Variants in C4orf50 observed in about 807,000 individuals in gnomAD.
C4orf50 encodes uncharacterized protein C4orf50.
A neutral mutation model predicts 77.2 loss-of-function variants in C4orf50; 80 were observed. That is an observed-to-expected ratio of 1.04 (90% CI 0.87 to 1.25). The LOEUF (loss-of-function observed/expected upper bound fraction) is 1.25. Ranked by LOEUF, C4orf50 falls within the 50% of genes most tolerant of loss-of-function variation. C4orf50 has a pLI of 0.00. For missense variants in C4orf50, 1,257 were observed against 1,152.9 expected, an observed-to-expected ratio of 1.09 and a Z score of -1.31; for synonymous variants, 532 against 465.3, an observed-to-expected ratio of 1.14 and a Z score of -1.84.
intron 23 of C4orf50, among the ~76,000 whole-genome samples, chr4:6,013,209 G>C (rs1722553421): frequency 6.6e-6 from 1 of 152,176 alleles, no homozygotes; most frequent in Admixed American, 6.5e-5. Context: ...CATGCCCTGA[G>C]GAAAGGTCTC....
At chr4:5,961,207 C>G (rs1577934970) in intron 33 of C4orf50, among the ~76,000 whole-genome samples, 1 of 152,178 alleles carries the variant, frequency 6.6e-6, no homozygotes, top group East Asian at 1.9e-4. Context: ...CTCAGCTACT[C>G]AAAAGGCTGA....
rs1722360298 is a variant in C4orf50, at chr4:6,008,728, T to C, written c.427-196A>G. 6.6e-6 allele frequency among the ~76,000 whole-genome samples: 1 copy of C among 152,188 alleles called. No homozygotes were observed. The highest frequency in any genetic ancestry group is 2.4e-5 in the African/African-American group (1 of 41,456). On this transcript the variant is annotated intron_variant, in intron 24 of 33. Coordinates refer to ENST00000531445, the Ensembl canonical transcript of C4orf50. This position sits in a 1 kb window ranked among gnomAD's most constrained non-coding sequence, Gnocchi z 6.0. ...CTTAAATTTTGCACGGAGGCAAGTGTCTCCCTCACTTCATCCACCCTAGTC... is the reference window on the plus strand; with the variant it reads ...CTTAAATTTTGCACGGAGGCAAGTGCCTCCCTCACTTCATCCACCCTAGTC...
chr4:5,972,759 G>C (rs1720002729), intron 31 of C4orf50, among the ~76,000 whole-genome samples: 1 of 152,350 alleles, frequency 6.6e-6, no homozygotes, highest in South Asian at 2.1e-4. Flanking sequence ...CGTGGGAGCT[G>C]GTCTCACCCG....
Position 6,009,678 on chromosome 4 carries a change from A to T in C4orf50, c.427-1146T>A, listed in dbSNP as rs1328230459. ...TCATATGCAAATGCTTACTGGAAAC[A>T]TTGGCAGCAACAAAGCAAAACTGCC... On this transcript the variant is annotated intron_variant, in intron 24 of 33. Transcript: ENST00000531445. The surrounding 1 kb of genome is among the most constrained non-coding windows in gnomAD (Gnocchi z 5.6). Among the ~76,000 whole-genome samples the T allele has an allele frequency of 1.3e-5, 2 of 152,232 alleles. No individual in the cohort carries two copies. The highest frequency in any genetic ancestry group is 2.9e-5 in the Non-Finnish European group (2 of 68,034).
intron 7 of C4orf50, among the ~76,000 whole-genome samples, chr4:5,924,548 C>T (rs1717425874): frequency 6.6e-6 from 1 of 152,264 alleles, no homozygotes; most frequent in Non-Finnish European, 1.5e-5. Context: ...GGCCTGGCCC[C>T]GAGCATGAGC....
At chr4:5,994,256 C>T (rs1263430822) in intron 26 of C4orf50, 91 bp downstream of exon 4, 4 of 397,622 alleles carry the variant, frequency 1.0e-5, no homozygotes, top group African/African-American at 4.1e-5. Context: ...CCTCTCCCTG[C>T]GTCATCGGGA....
chr4:5,906,874 T>C (rs1006625350), intron 7 of C4orf50, among the ~76,000 whole-genome samples: 1 of 152,222 alleles, frequency 6.6e-6, no homozygotes, highest in Admixed American at 6.5e-5. Flanking sequence ...TTTAAATCCT[T>C]GAAGCTTATA....
chr4:5,913,351 G>A (rs1214783029), intron 7 of C4orf50, among the ~76,000 whole-genome samples: 1 of 152,186 alleles, frequency 6.6e-6, no homozygotes, highest in Non-Finnish European at 1.5e-5. Context: ...TCTGCACAGT[G>A]CCTGGGGAAT....
chr4:5,979,277 G>A (rs11941221), intron 29 of C4orf50, among the ~76,000 whole-genome samples: 31,633 of 152,102 alleles, frequency 0.21, 3,571 homozygotes, highest in African/African-American at 0.29. Context: ...CAAAGAAATG[G>A]AAACAACTTG....
chr4:5,971,344 A>G (rs1719898600), intron 31 of C4orf50, among the ~76,000 whole-genome samples: 2 of 152,200 alleles, frequency 1.3e-5, no homozygotes, highest in South Asian at 2.1e-4. Flanking sequence ...CCTGCTGTCC[A>G]CTAGGAATCA....
rs74400310 is a variant in C4orf50, at chr4:5,951,063, G to C, written c.*2474+5838C>G. ...AGCAGCATGTGCTTTTCTTGCACTTGTTTTCATGGACCCTCAGCTCCTAGC... is the reference window on the plus strand; with the variant it reads ...AGCAGCATGTGCTTTTCTTGCACTTCTTTTCATGGACCCTCAGCTCCTAGC... On this transcript the variant is annotated intron_variant, in intron 7 of 7. Transcript: ENST00000324058. Among the ~76,000 whole-genome samples the C allele has an allele frequency of 4.1e-3, 620 of 152,314 alleles. 3 individuals are homozygous for C. The highest frequency in any genetic ancestry group is 0.014 in the African/African-American group (597 of 41,562).
intron 30 of C4orf50, among the ~76,000 whole-genome samples, chr4:5,975,573 G>A (rs1430962553): frequency 3.9e-5 from 6 of 152,054 alleles, no homozygotes; most frequent in African/African-American, 9.7e-5. Flanking sequence ...GAGCAGTGAC[G>A]TGATCTCGGC....
chr4:5,966,264 T>A (rs1309891118), intron 32 of C4orf50, among the ~76,000 whole-genome samples: 1 of 152,044 alleles, frequency 6.6e-6, no homozygotes, highest in East Asian at 1.9e-4. Context: ...TCACATGAGG[T>A]CAGGAGTTCA....
chr4:5,997,924 G>A (rs1721668163), intron 25 of C4orf50, among the ~76,000 whole-genome samples: 1 of 152,178 alleles, frequency 6.6e-6, no homozygotes, highest in Non-Finnish European at 1.5e-5. Context: ...GATAGTTCCA[G>A]ATCAAATCAA....
Position 5,906,755 on chromosome 4 carries a change from G to A in C4orf50, c.*2475-8567C>T, listed in dbSNP as rs147469517. Among the ~76,000 whole-genome samples, 1,007 of 152,308 alleles carry A rather than the reference G, an allele frequency of 6.6e-3. 6 individuals carry two copies. The highest frequency in any genetic ancestry group is 0.014 in the Middle Eastern group (4 of 294). On this transcript the variant is annotated intron_variant, in intron 7 of 7. Coordinates refer to the C4orf50 transcript ENST00000324058. Reference sequence around the variant, plus strand: ...AGCCAACCTACTCAGGGCATTGTTCGTGTAGGTGTCTTTAGTCTCCTTCTC... The same window carrying A: ...AGCCAACCTACTCAGGGCATTGTTCATGTAGGTGTCTTTAGTCTCCTTCTC...
intron 28 of C4orf50, among the ~76,000 whole-genome samples, chr4:5,985,655 T>C (rs771087727): frequency 1.3e-5 from 2 of 151,290 alleles, no homozygotes; most frequent in African/African-American, 2.4e-5. Context: ...ATGAGACAAA[T>C]AGAAAAAATA....
chr4:5,977,883 A>G (rs1720374590), intron 29 of C4orf50, among the ~76,000 whole-genome samples: 2 of 152,252 alleles, frequency 1.3e-5, no homozygotes, highest in Admixed American at 1.3e-4. Context: ...TAAAAAGATA[A>G]CCTACAGAAT....
exon 28 of C4orf50, chr4:5,988,822 A>T: frequency 6.5e-7 from 1 of 1,535,962 alleles, no homozygotes; most frequent in Non-Finnish European, 8.7e-7. Context: ...TATTCCTAGC[A>T]CGATATCCTT....
At chr4:5,983,093 T>A (rs896140751) in intron 28 of C4orf50, among the ~76,000 whole-genome samples, 7 of 152,184 alleles carry the variant, frequency 4.6e-5, no homozygotes, top group Non-Finnish European at 1.0e-4. Context: ...TCCCGTGGAC[T>A]CCAGCTCCAC....
Sources: gnomAD v4.1 joint callset for allele counts (sites outside exome capture counted in the v4.1 genomes callset) on GRCh38, gnomAD v4.1.1 for gene constraint, Gnocchi (gnomAD v3.1) non-coding constraint, MANE v1.5 for transcripts, NCBI Gene and HGNC (gene_info 2026-07-23, HGNC 2026-07-21) for gene names.